JAG1: variants seen among roughly 807,000 people sequenced by gnomAD.
The protein encoded by JAG1 is jagged canonical Notch ligand 1, also known as protein jagged-1.
In JAG1, 23 loss-of-function variants were observed where a neutral mutation model predicts 148.7. That is an observed-to-expected ratio of 0.15 (90% CI 0.11 to 0.22). JAG1 has a LOEUF of 0.22. Among genes scored for constraint, JAG1 ranks in the 10% least tolerant of loss-of-function variants. The pLI is 1.00. For missense variants in JAG1, 1,054 were observed against 1,611.2 expected, an observed-to-expected ratio of 0.65 and a Z score of 5.92; for synonymous variants, 572 against 598.3, an observed-to-expected ratio of 0.96 and a Z score of 0.64.
chr20:10,644,334 G>C, intron 19 of JAG1, 23 bp downstream of exon 19: 1 of 1,580,552 alleles, frequency 6.3e-7, no homozygotes, highest in Non-Finnish European at 8.7e-7. Flanking sequence ...ATGAGTGCTG[G>C]CTTAAAAGGA....
intron 3 of JAG1, among the ~76,000 whole-genome samples, chr20:10,660,320 A>T (rs202203058): frequency 1.9e-4 from 6 of 31,722 alleles, no homozygotes; most frequent in Non-Finnish European, 2.8e-4. Context: ...AACCACTTGC[A>T]GGCAGGTAAC....
chr20:10,653,954 T>C (rs1276471619), intron 5 of JAG1, among the ~76,000 whole-genome samples: 1 of 151,550 alleles, frequency 6.6e-6, no homozygotes, highest in Non-Finnish European at 1.5e-5. Flanking sequence ...CTGGTTTATG[T>C]AAAATGGAAT....
chr20:10,642,975 T>C (rs1190805950), intron 20 of JAG1, among the ~76,000 whole-genome samples: 3 of 152,254 alleles, frequency 2.0e-5, no homozygotes, highest in Admixed American at 6.5e-5. Context: ...TGTGGTATCA[T>C]GAAAGTAGCC....
At chr20:10,672,233 A>T (rs531670156) in intron 2 of JAG1, among the ~76,000 whole-genome samples, 1 of 152,198 alleles carries the variant, frequency 6.6e-6, no homozygotes, top group Admixed American at 6.5e-5. Flanking sequence ...TCCAGGAAGG[A>T]CACACCCGCC....
chr20:10,650,524 G>A, intron 8 of JAG1, 164 bp from the exon 9 acceptor site: 1 of 622,158 alleles, frequency 1.6e-6, no homozygotes, highest in South Asian at 1.8e-5. Context: ...TAAGGCCGAA[G>A]CCTTGATTTT....
Position 10,672,962 on chromosome 20 carries a change from C to T in JAG1, c.126G>A (p.Met42Ile). The change falls in exon 2 of 26, where the codon ATG becomes ATA. Residue 42 changes from methionine (M) to isoleucine (I), a missense_variant. Physicochemically the swap from Met to Ile is conservative, Grantham distance 10. Transcript: ENST00000254958. ...SGQFELEILS[M>I]QNVNGELQNG... Reference sequence around the variant, plus strand: ...TCTGCAGCTCCCCGTTCACGTTCTGCATGGACAGGATCTCCAACTCGAACT... The same window carrying T: ...TCTGCAGCTCCCCGTTCACGTTCTGTATGGACAGGATCTCCAACTCGAACT... 6.2e-7 allele frequency: 1 copy of T among 1,612,390 alleles called. No homozygotes were observed. The highest frequency in any genetic ancestry group is 1.1e-5 in the South Asian group (1 of 91,090).
At chr20:10,650,385 T>A in intron 8 of JAG1, 25 bp from the exon 9 acceptor site, 2 of 1,347,288 alleles carry the variant, frequency 1.5e-6, no homozygotes, top group Non-Finnish European at 2.1e-6. Flanking sequence ...AAGGAGGGGG[T>A]TGACAATTTA....
chr20:10,669,804 C>T (rs796598362), intron 2 of JAG1, among the ~76,000 whole-genome samples: 2 of 152,100 alleles, frequency 1.3e-5, no homozygotes, highest in Admixed American at 1.3e-4. Context: ...TAAGCAGGCA[C>T]TACTGGGATT....
rs768557418 is a variant in JAG1, at chr20:10,642,548, C to T, written c.2512G>A (p.Glu838Lys). The change falls in exon 21 of 26, where the codon GAG (glutamate) becomes AAG (lysine). Residue 838 changes from glutamate (E) to lysine (K), a missense_variant. By Grantham distance (56) the Glu-to-Lys change is moderately conservative. Transcript: ENST00000254958. The stretch of plus-strand genomic sequence containing the variant: ...CAGACACACCGGTAGCCATTGATCT[C>T]ATCCACACAGGTCGCTCCAAAGGCA... ...PCAFGATCVD[E>K]INGYRCVCPP... The T allele has an allele frequency of 9.3e-6, 15 of 1,614,100 alleles. 1 individual carries two copies. In the South Asian group the frequency reaches 1.6e-4, roughly 18 times the overall value.
chr20:10,640,448 T>C (rs1291544520), intron 25 of JAG1, among the ~76,000 whole-genome samples: 1 of 152,226 alleles, frequency 6.6e-6, no homozygotes, highest in African/African-American at 2.4e-5. Flanking sequence ...GGCTAGGCTG[T>C]CCCAGGACAC....
intron 21 of JAG1, 55 bp from the exon 22 acceptor site, chr20:10,641,947 C>T: frequency 8.6e-7 from 1 of 1,163,488 alleles, no homozygotes; most frequent in Non-Finnish European, 1.3e-6. Flanking sequence ...GATCGGGGTT[C>T]AATTCTTTGG....
At chr20:10,667,063 A>G (rs906789160) in intron 2 of JAG1, among the ~76,000 whole-genome samples, 2 of 152,212 alleles carry the variant, frequency 1.3e-5, no homozygotes, top group Non-Finnish European at 2.9e-5. Flanking sequence ...AACAAAGGTA[A>G]TTGTGTTGGC....
At chr20:10,646,790 A>T (rs1436143592) in intron 14 of JAG1, 149 bp downstream of exon 14, 5 of 813,094 alleles carry the variant, frequency 6.1e-6, no homozygotes, top group Non-Finnish European at 1.1e-5. Context: ...GTGCCACTGC[A>T]CTCTAGCCTG....
intron 10 of JAG1, among the ~76,000 whole-genome samples, 156 bp from the exon 11 acceptor site, chr20:10,649,263 C>T (rs929663255): frequency 3.9e-5 from 6 of 152,198 alleles, no homozygotes; most frequent in African/African-American, 1.4e-4. Context: ...GGGACCCTCC[C>T]TAATTCTTCC....
In JAG1 at chr20:10,639,283, A is replaced by G. The variant is rs189368987; in HGVS notation, c.*215T>C. On this transcript the variant is annotated 3_prime_UTR_variant, in exon 26 of 26. Coordinates refer to ENST00000254958, the MANE Select transcript of JAG1 (RefSeq NM_000214.3). ...CTGCAAGGGGACACACAACCAGGGT[A>G]CTGTTGACTAGCTTTTTGCATAGCT... The G allele has an allele frequency of 1.6e-5, 10 of 617,322 alleles. No homozygotes were observed. In the Admixed American group the frequency reaches 2.2e-4, roughly 14 times the overall value. 38.2% of individuals were successfully genotyped at this position (617,322 alleles called of 1,614,324 possible). A position where few individuals can be genotyped will look rare whatever the true frequency, so the allele number is the denominator to read the frequency against.
At chr20:10,655,468 A>T (rs1422745793) in intron 5 of JAG1, among the ~76,000 whole-genome samples, 1 of 152,174 alleles carries the variant, frequency 6.6e-6, no homozygotes. Flanking sequence ...GCTTGTTAGA[A>T]ATGCAGAAAC....
intron 18 of JAG1, 200 bp downstream of exon 18, chr20:10,644,663 G>A (rs1293282906): frequency 1.7e-5 from 11 of 644,420 alleles, no homozygotes; most frequent in African/African-American, 5.4e-5. Flanking sequence ...GAACTGAGAC[G>A]CCATCTGTCT....
intron 2 of JAG1, among the ~76,000 whole-genome samples, chr20:10,664,541 C>A (rs1033764331): frequency 6.6e-6 from 1 of 152,116 alleles, no homozygotes; most frequent in African/African-American, 2.4e-5. Flanking sequence ...CCTTTGAAAA[C>A]TCTGTCTATG....
Position 10,641,546 on chromosome 20 carries a change from C to T in JAG1, c.2830G>A (p.Val944Met). Residue 944 changes from valine to methionine, a missense_variant, in exon 23 of 26, where the codon GTG becomes ATG. By Grantham distance (21) the Val-to-Met change is conservative (BLOSUM62 1). Transcript: ENST00000254958. ...GECRSSSLQP[V>M]KTKCTSDSYY... Reference sequence around the variant, plus strand: ...GAGTCAGAGGTGCACTTTGTCTTCACCGGCTGGAGACTGGAAGACCGACAC... The same window carrying T: ...GAGTCAGAGGTGCACTTTGTCTTCATCGGCTGGAGACTGGAAGACCGACAC... 1 of 1,614,220 alleles carries T rather than the reference C, an allele frequency of 6.2e-7. No individual in the cohort carries two copies. The highest frequency in any genetic ancestry group is 1.1e-5 in the South Asian group (1 of 91,088).
Sources: gnomAD v4.1 joint callset for allele counts (sites outside exome capture counted in the v4.1 genomes callset) on GRCh38, gnomAD v4.1.1 for gene constraint, MANE v1.5 for transcripts, NCBI Gene and HGNC (gene_info 2026-07-23, HGNC 2026-07-21) for gene names.